The following DDX42 variants were observed in gnomAD, a reference collection of about 807,000 sequenced individuals.
The protein encoded by DDX42 is DEAD-box helicase 42.
Under a neutral mutation model 101.5 loss-of-function variants are expected in DDX42, and 22 were observed. The observed-to-expected ratio is 0.22, with a 90% confidence interval of 0.15 to 0.31. The LOEUF is 0.31. Among genes scored for constraint, DDX42 ranks in the 10% least tolerant of loss-of-function variants. DDX42 has a pLI of 1.00. For synonymous variants in DDX42, 402 were observed against 401.2 expected (o/e 1.00, Z -0.02); for missense variants, 849 against 1,199.9 (o/e 0.71, Z 4.32).
chr17:63,817,399 A>G, intron 17 of DDX42: 1 of 337,568 alleles, frequency 3.0e-6, no homozygotes, highest in Non-Finnish European at 5.4e-6. Context: ...AGTTTTCAGA[A>G]CTTTTTGGTT....
intron 3 of DDX42, among the ~76,000 whole-genome samples, chr17:63,792,844 TAAATG>T (rs1030320433): frequency 6.6e-6 from 1 of 152,208 alleles, no homozygotes; most frequent in Non-Finnish European, 1.5e-5. Context: ...AGCATATTCT[TAAATG>T]GAATTAATAT....
chr17:63,813,126 CTAGA>C (rs1350805835), intron 14 of DDX42, 98 bp from the exon 15 acceptor site: 9 of 1,108,420 alleles, frequency 8.1e-6, no homozygotes, highest in East Asian at 2.6e-5. Flanking sequence ...TGCGCTTTGC[CTAGA>C]TAAAGGAAAT....
At chr17:63,783,632 G>A (rs1431696673) in intron 1 of DDX42, among the ~76,000 whole-genome samples, 3 of 152,162 alleles carry the variant, frequency 2.0e-5, no homozygotes, top group Non-Finnish European at 4.4e-5. Context: ...AGGAGATGAA[G>A]TTCAGGTAAA....
At chr17:63,799,553 T>C (rs1466815805) in intron 4 of DDX42, 36 bp from the exon 5 acceptor site, 1 of 1,612,090 alleles carries the variant, frequency 6.2e-7, no homozygotes. Context: ...TGTGGAACAT[T>C]TGCAGGGAAG....
chr17:63,775,048 C>T (rs1320118061), intron 1 of DDX42: 3 of 152,602 alleles, frequency 2.0e-5, no homozygotes, highest in Non-Finnish European at 2.9e-5. Flanking sequence ...TGTGGCTTCC[C>T]TGTGTTTTCT....
Position 63,816,746 on chromosome 17 carries a change from T to C in DDX42, c.2014-122T>C. The C allele has an allele frequency of 9.9e-6, 6 of 603,282 alleles. No homozygotes were observed. The South Asian group carries it at 1.8e-4, about 18-fold the overall frequency. The allele number at this position is 603,282 out of a possible 1,614,324, so 37.4% of individuals were successfully genotyped here. ...CTTTTCTCACAAAGCAGTAGCAGCTTTCTAAAAGTATCCAGTTCCTTTGTA... is the reference window on the plus strand; with the variant it reads ...CTTTTCTCACAAAGCAGTAGCAGCTCTCTAAAAGTATCCAGTTCCTTTGTA... On this transcript the variant is annotated intron_variant, in intron 16 of 17. Transcript: ENST00000389924.
In DDX42 at chr17:63,782,858, G is replaced by A. The variant is rs575343685; in HGVS notation, c.-16-4176G>A. On this transcript the variant is annotated intron_variant, in intron 1 of 17. Transcript: ENST00000389924. ...TTTGTAGCTGGCAGAATACAGTTTT[G>A]TATGGTACGTCGTTAGCATAGCCTT... Among the ~76,000 whole-genome samples the A allele has an allele frequency of 1.2e-3, 182 of 152,246 alleles. 2 individuals are homozygous for A. Among genetic ancestry groups the A allele is most frequent in the African/African-American group, 4.3e-3 (177 of 41,538 alleles).
chr17:63,806,889 A>G (rs1400034835), intron 8 of DDX42, among the ~76,000 whole-genome samples: 1 of 152,208 alleles, frequency 6.6e-6, no homozygotes, highest in Non-Finnish European at 1.5e-5. Flanking sequence ...AAACCTAACC[A>G]AAAAGGTTCG....
chr17:63,818,173 T>C lies in DDX42; in HGVS notation c.2592T>C (p.His864=). The part of the protein sequence containing the change: ...TDGHRHGENR[H]GGSAGRHGEN... Reference sequence around the variant, plus strand: ...GCCATCGGCACGGGGAGAACAGACATGGAGGAAGCGCAGGCCGGCATGGGG... The same window carrying C: ...GCCATCGGCACGGGGAGAACAGACACGGAGGAAGCGCAGGCCGGCATGGGG... Residue 864 remains histidine (H), a synonymous_variant, in exon 18 of 18, where the codon CAT becomes CAC. Coordinates refer to ENST00000389924, the MANE Select transcript of DDX42 (RefSeq NM_203499.3). 1 of 1,612,908 alleles carries C rather than the reference T, an allele frequency of 6.2e-7. No individual in the cohort carries two copies. Among genetic ancestry groups the C allele is most frequent in the South Asian group, 1.1e-5 (1 of 90,984 alleles).
At chr17:63,778,402 C>T (rs1479022054) in intron 1 of DDX42, among the ~76,000 whole-genome samples, 1 of 152,194 alleles carries the variant, frequency 6.6e-6, no homozygotes, top group East Asian at 1.9e-4. Flanking sequence ...CCTTGCCTGA[C>T]TTAAGTCTGC....
At chr17:63,810,596 A>G (rs1194152404) in intron 12 of DDX42, 36 bp downstream of exon 12, 1 of 1,594,834 alleles carries the variant, frequency 6.3e-7, no homozygotes, top group Non-Finnish European at 8.6e-7. Context: ...CCAAATTTGT[A>G]CTAAAAAGGG....
rs370771751 is a variant in DDX42 at position 63,799,858 on chromosome 17, G to A, written c.471+233G>A. ...CAACTGTGACATCCAAAGCAAATAC[G>A]AGCTTTATTCAGCTTGCTTCTTTTT... On this transcript the variant is annotated intron_variant, in intron 5 of 17. Transcript: ENST00000389924. Among the ~76,000 whole-genome samples the A allele has an allele frequency of 7.9e-5, 12 of 152,240 alleles. No individual in the cohort carries two copies. The South Asian group carries it at 2.5e-3, about 32-fold the overall frequency.
intron 3 of DDX42, among the ~76,000 whole-genome samples, chr17:63,795,546 G>C (rs756292426): frequency 1.3e-5 from 2 of 152,062 alleles, no homozygotes; most frequent in Non-Finnish European, 2.9e-5. Context: ...TTCCCAGGCC[G>C]GTCTCAAACT....
Position 63,802,168 on chromosome 17 carries a change from C to G in DDX42, c.621+1551C>G, listed in dbSNP as rs1385847831. ...TTCTAGTAGGCGTATTCTCTGTTCT[C>G]AGACCATTGCAGTTAAAAAGAAAAA... On this transcript the variant is annotated intron_variant, in intron 6 of 17. Transcript: ENST00000389924. Among the ~76,000 whole-genome samples the G allele has an allele frequency of 2.6e-5, 4 of 152,270 alleles. No homozygotes were observed. The East Asian group carries it at 7.7e-4, about 29-fold the overall frequency.
intron 17 of DDX42, chr17:63,817,237 A>G (rs2039987352): frequency 2.4e-6 from 1 of 415,264 alleles, no homozygotes; most frequent in Non-Finnish European, 4.3e-6. Flanking sequence ...TCCCTTCCCA[A>G]CAGCCTGAAG....
chr17:63,795,785 T>G (rs2039685670), intron 3 of DDX42, among the ~76,000 whole-genome samples: 1 of 152,244 alleles, frequency 6.6e-6, no homozygotes, highest in African/African-American at 2.4e-5. Flanking sequence ...GGTCTTTGAA[T>G]TTGCCATCTT....
chr17:63,799,657 T>G, intron 5 of DDX42, 32 bp downstream of exon 5: 1 of 1,606,426 alleles, frequency 6.2e-7, no homozygotes, highest in East Asian at 2.2e-5. Context: ...CTATCTTTTA[T>G]TTTTATCCAC....
At chr17:63,803,938 C>T (rs1026676575) in intron 6 of DDX42, among the ~76,000 whole-genome samples, 7 of 152,138 alleles carry the variant, frequency 4.6e-5, no homozygotes, top group Non-Finnish European at 8.8e-5. Flanking sequence ...GTATGAGCCA[C>T]TGCTCCAGGC....
At chr17:63,790,129 A>T (rs2039607448) in intron 2 of DDX42, among the ~76,000 whole-genome samples, 1 of 152,164 alleles carries the variant, frequency 6.6e-6, no homozygotes, top group Non-Finnish European at 1.5e-5. Context: ...CCTGTATGTC[A>T]GAGTGAGACT....
Sources: allele counts gnomAD v4.1 joint callset (sites outside exome capture counted in the v4.1 genomes callset), GRCh38; gene constraint gnomAD v4.1.1; transcripts MANE v1.5; gene names NCBI Gene and HGNC (gene_info 2026-07-23, HGNC 2026-07-21).